The following HEXB variants were observed in gnomAD, a reference collection of about 807,000 sequenced individuals.
The protein encoded by HEXB is beta-hexosaminidase subunit beta.
Under a neutral mutation model 71.2 loss-of-function variants are expected in HEXB, and 51 were observed. The observed-to-expected ratio is 0.72, with a 90% confidence interval of 0.57 to 0.90. The LOEUF is 0.90. Among genes scored for constraint, HEXB ranks in the 40% least tolerant of loss-of-function variants. The pLI is 0.00. For missense variants in HEXB, 617 were observed against 677.0 expected (o/e 0.91, Z 0.98); for synonymous variants, 266 against 249.3 (o/e 1.07, Z -0.63).
intron 5 of HEXB, among the ~76,000 whole-genome samples, chr5:74,698,489 T>G (rs910999862): frequency 2.6e-5 from 4 of 151,890 alleles, no homozygotes; most frequent in African/African-American, 9.7e-5. Flanking sequence ...CCTCCCGGAT[T>G]CAAGCAATTC....
chr5:74,667,882 C>T (rs1748462155), intron 1 of HEXB, among the ~76,000 whole-genome samples: 1 of 152,084 alleles, frequency 6.6e-6, no homozygotes, highest in African/African-American at 2.4e-5. Context: ...TTAAGGGGTC[C>T]TCAAATACTA....
At chr5:74,664,405 G>A (rs1488848404) in intron 1 of HEXB, among the ~76,000 whole-genome samples, 1 of 131,224 alleles carries the variant, frequency 7.6e-6, no homozygotes, top group Admixed American at 8.1e-5. Context: ...ACTCCAGCTT[G>A]GGCAATAGAG....
At chr5:74,716,839 G>A in intron 9 of HEXB, 166 bp downstream of exon 9, 1 of 535,428 alleles carries the variant, frequency 1.9e-6, no homozygotes, top group Non-Finnish European at 3.4e-6. Flanking sequence ...GTAACATGGT[G>A]ACTCCAAGTA....
intron 6 of HEXB, among the ~76,000 whole-genome samples, chr5:74,706,648 T>C (rs943086741): frequency 3.9e-5 from 6 of 152,334 alleles, no homozygotes; most frequent in South Asian, 2.1e-4. Context: ...TATTATATCC[T>C]GCACCTGGCT....
upstream of HEXB, among the ~76,000 whole-genome samples, chr5:74,683,842 T>C (rs1478612550): frequency 2.7e-5 from 4 of 145,792 alleles, no homozygotes; most frequent in African/African-American, 1.0e-4. Context: ...TTTTTTAAGA[T>C]GGAGTCTTGT....
At chr5:74,656,624 A>G (rs1243506918) in intron 1 of HEXB, among the ~76,000 whole-genome samples, 1 of 152,200 alleles carries the variant, frequency 6.6e-6, no homozygotes, top group Non-Finnish European at 1.5e-5. Context: ...TTTTGTTTTG[A>G]GATGGAGTCT....
In HEXB at chr5:74,718,983, A is replaced by G; in HGVS notation, c.1417+12A>G. ...TCTTGATTTTGGCGGTAAGTGAAGC[A>G]GTTGGTCCAAGTGTTGTGGGTTACT... On this transcript the variant is annotated intron_variant, in intron 11 of 13. Transcript: ENST00000261416. The G allele has an allele frequency of 6.2e-7, 1 of 1,613,600 alleles. No homozygotes were observed. The highest frequency in any genetic ancestry group is 8.5e-7 in the Non-Finnish European group (1 of 1,179,510).
intron 11 of HEXB, chr5:74,720,035 T>TA (rs1344437525): frequency 4.6e-6 from 1 of 218,286 alleles, no homozygotes; most frequent in Admixed American, 5.2e-5. Flanking sequence ...CACAGTCCAC[T>TA]AAAAAACTAG....
At chr5:74,713,666 T>G (rs1749606555) in intron 7 of HEXB, 31 bp downstream of exon 7, 1 of 1,574,096 alleles carries the variant, frequency 6.4e-7, no homozygotes, top group African/African-American at 1.4e-5. Flanking sequence ...TCATTTTATC[T>G]TATTTTTTAT....
At chr5:74,644,288 C>T (rs888281766) in intron 1 of HEXB, among the ~76,000 whole-genome samples, 1 of 152,232 alleles carries the variant, frequency 6.6e-6, no homozygotes, top group Non-Finnish European at 1.5e-5. Flanking sequence ...TATAGGGCTA[C>T]ATCACCCAGT....
chr5:74,645,114 C>T (rs1444466738), intron 1 of HEXB, among the ~76,000 whole-genome samples: 1 of 152,110 alleles, frequency 6.6e-6, no homozygotes, highest in Non-Finnish European at 1.5e-5. Context: ...TTGGTTTGAT[C>T]ATATTTTAAC....
chr5:74,661,310 A>G (rs1172654256), intron 1 of HEXB, among the ~76,000 whole-genome samples: 2 of 152,208 alleles, frequency 1.3e-5, no homozygotes, highest in Non-Finnish European at 2.9e-5. Flanking sequence ...GAAATCAACA[A>G]AAATGAAAAG....
At chr5:74,704,560 T>G (rs1749336776) in intron 5 of HEXB, among the ~76,000 whole-genome samples, 1 of 152,274 alleles carries the variant, frequency 6.6e-6, no homozygotes, top group Admixed American at 6.5e-5. Context: ...TCCTGGTACT[T>G]AAATGAATGC....
chr5:74,693,701 C>T lies in HEXB; in HGVS notation c.508C>T (p.Arg170Ter), dbSNP rs753823903. Residue 170 changes from arginine to a stop codon, truncating the protein, a stop_gained, in exon 3 of 14, where the codon CGA becomes TGA. Transcript: ENST00000261416. LOFTEE classifies it high-confidence loss of function. ...LKANRVWGAL[R>*]GLETFSQLVY... is the part of the protein sequence containing the mutation. ...GGCCAACAGAGTTTGGGGAGCATTACGAGGTAAGTTCCATGCAGTTTCATT... is the reference window on the plus strand; with the variant it reads ...GGCCAACAGAGTTTGGGGAGCATTATGAGGTAAGTTCCATGCAGTTTCATT... 11 of 1,609,522 alleles carry T rather than the reference C, an allele frequency of 6.8e-6. No homozygotes were observed. Among genetic ancestry groups the T allele is most frequent in the South Asian group, 4.4e-5 (4 of 90,958 alleles).
At chr5:74,680,661 C>G (rs990574246), upstream of HEXB, among the ~76,000 whole-genome samples, 1 of 152,178 alleles carries the variant, frequency 6.6e-6, no homozygotes, top group Non-Finnish European at 1.5e-5. Context: ...TTCCCCTCCC[C>G]TTGAATGTGG....
intron 1 of HEXB, among the ~76,000 whole-genome samples, chr5:74,665,115 T>C (rs1228982514): frequency 2.0e-5 from 3 of 152,166 alleles, no homozygotes; most frequent in African/African-American, 7.2e-5. Flanking sequence ...AAATTTAAAA[T>C]GTCCCCAAAT....
At chr5:74,680,597 A>G (rs1748720546), upstream of HEXB, among the ~76,000 whole-genome samples, 1 of 152,238 alleles carries the variant, frequency 6.6e-6, no homozygotes, top group South Asian at 2.1e-4. Flanking sequence ...TGGAAGAAAT[A>G]GAAATAATTT....
chr5:74,660,512 GACAAA>G (rs1409871051), intron 1 of HEXB, among the ~76,000 whole-genome samples: 4 of 152,118 alleles, frequency 2.6e-5, no homozygotes, highest in Admixed American at 6.5e-5. Flanking sequence ...AGCTATAAGG[GACAAA>G]ACAAGAGTGT....
At chr5:74,678,838 C>G (rs553358028) in intron 1 of HEXB, among the ~76,000 whole-genome samples, 23 of 152,178 alleles carry the variant, frequency 1.5e-4, no homozygotes, top group African/African-American at 4.1e-4. Context: ...AAAAATCACC[C>G]ATACAAATCA....
Sources: gnomAD v4.1 joint callset for allele counts (sites outside exome capture counted in the v4.1 genomes callset) on GRCh38, gnomAD v4.1.1 for gene constraint, MANE v1.5 for transcripts, NCBI Gene and HGNC (gene_info 2026-07-23, HGNC 2026-07-21) for gene names.